The following NEK11 variants were observed in gnomAD, a reference collection of about 807,000 sequenced individuals.
NEK11 encodes serine/threonine-protein kinase Nek11.
Under a neutral mutation model 80.7 loss-of-function variants are expected in NEK11, and 72 were observed. The observed-to-expected ratio is 0.89, with a 90% CI of 0.74 to 1.08. The LOEUF (loss-of-function observed/expected upper bound fraction) is 1.08. NEK11 is among the 50% of genes least tolerant of loss of function. The probability of loss-of-function intolerance (pLI) is 0.00; values close to 1 mark genes in which losing one functional copy is unlikely to be tolerated. For missense variants in NEK11, 764 were observed against 763.6 expected (o/e 1.00, Z -0.01); for synonymous variants, 251 against 260.7 (o/e 0.96, Z 0.36).
intron 7 of NEK11, among the ~76,000 whole-genome samples, chr3:131,148,147 T>G (rs930870939): frequency 6.6e-6 from 1 of 152,026 alleles, no homozygotes; most frequent in African/African-American, 2.4e-5. Context: ...TCAACTTTTT[T>G]CTATAATGAG....
chr3:131,202,564 A>G (rs915676767), intron 14 of NEK11, among the ~76,000 whole-genome samples: 9 of 152,224 alleles, frequency 5.9e-5, no homozygotes, highest in African/African-American at 2.2e-4. Context: ...AACAAAAGCC[A>G]AAATAGACAA....
At chr3:131,186,840 AAT>A (rs1187538754) in intron 14 of NEK11, among the ~76,000 whole-genome samples, 1 of 152,158 alleles carries the variant, frequency 6.6e-6, no homozygotes, top group Non-Finnish European at 1.5e-5. Flanking sequence ...GGCTTATTTT[AAT>A]GTAATCCTCT....
In NEK11 at chr3:131,131,808, T is replaced by G. The variant is rs569555177; in HGVS notation, c.456-937T>G. ...GGAAGCTTAGATAACTGATTTTAGA[T>G]CTTTCTTTTTTTCTAATATATATAT... is the stretch of plus-strand genomic sequence containing the variant. On this transcript the variant is annotated intron_variant, in intron 5 of 17. Transcript: ENST00000383366. Among the ~76,000 whole-genome samples, 167 of 152,194 alleles carry G rather than the reference T, an allele frequency of 1.1e-3. 1 individual carries two copies. The highest frequency in any genetic ancestry group is 3.4e-3 in the Middle Eastern group (1 of 294).
intron 3 of NEK11, among the ~76,000 whole-genome samples, chr3:131,048,771 G>T (rs2067851249): frequency 6.6e-6 from 1 of 152,216 alleles, no homozygotes; most frequent in Admixed American, 6.5e-5. Context: ...TGCTCTGTCT[G>T]TCTGAGTGGG....
intron 14 of NEK11, among the ~76,000 whole-genome samples, chr3:131,207,932 C>T (rs780627990): frequency 2.0e-5 from 3 of 152,000 alleles, no homozygotes; most frequent in Non-Finnish European, 2.9e-5. Flanking sequence ...TCACTCTGAT[C>T]GTGGTTTCTT....
At chr3:131,236,342 G>A (rs2095430251) in intron 15 of NEK11, among the ~76,000 whole-genome samples, 1 of 152,124 alleles carries the variant, frequency 6.6e-6, no homozygotes, top group Non-Finnish European at 1.5e-5. Flanking sequence ...TTTTGGGTAG[G>A]TGTTACGTTG....
intron 3 of NEK11, among the ~76,000 whole-genome samples, chr3:131,030,779 A>G (rs1577187986): frequency 6.6e-6 from 1 of 152,194 alleles, no homozygotes; most frequent in African/African-American, 2.4e-5. Flanking sequence ...TAGTAGAGAA[A>G]AACTCTTAAT....
intron 17 of NEK11, among the ~76,000 whole-genome samples, chr3:131,310,072 A>G (rs1408128964): frequency 2.0e-5 from 3 of 150,894 alleles, no homozygotes. Flanking sequence ...TTTTCTATCG[A>G]AAAAAAAGAC....
intron 14 of NEK11, among the ~76,000 whole-genome samples, chr3:131,182,788 A>G (rs2093423664): frequency 6.6e-6 from 1 of 152,140 alleles, no homozygotes; most frequent in Non-Finnish European, 1.5e-5. Flanking sequence ...AAGAGACTTT[A>G]CCCTTTTTTA....
chr3:131,071,658 A>T (rs1454432675), intron 3 of NEK11, among the ~76,000 whole-genome samples: 1 of 152,024 alleles, frequency 6.6e-6, no homozygotes, highest in East Asian at 1.9e-4. Context: ...AACAAATATC[A>T]TGTTGTTTTA....
At chr3:131,031,550 T>G (rs2064847477) in intron 3 of NEK11, among the ~76,000 whole-genome samples, 2 of 152,118 alleles carry the variant, frequency 1.3e-5, no homozygotes, top group Admixed American at 1.3e-4. Flanking sequence ...ATTAAAAGGA[T>G]GTAAAATAAG....
At chr3:131,212,036 G>C (rs2094638856) in intron 14 of NEK11, among the ~76,000 whole-genome samples, 1 of 152,192 alleles carries the variant, frequency 6.6e-6, no homozygotes, top group Non-Finnish European at 1.5e-5. Context: ...CTTTGGAGGA[G>C]AAGAGGCGCT....
At chr3:131,223,131 C>G (rs2095077853) in intron 14 of NEK11, among the ~76,000 whole-genome samples, 1 of 152,204 alleles carries the variant, frequency 6.6e-6, no homozygotes, top group Non-Finnish European at 1.5e-5. Flanking sequence ...TTATCAGACT[C>G]TTTTCCCCTT....
At chr3:131,131,459 T>C (rs1021618896) in intron 5 of NEK11, among the ~76,000 whole-genome samples, 4 of 152,152 alleles carry the variant, frequency 2.6e-5, no homozygotes, top group Non-Finnish European at 5.9e-5. Flanking sequence ...CTTGTGTCTT[T>C]GAAGGAATTG....
At chr3:131,326,789 G>A (rs1048003747) in intron 17 of NEK11, among the ~76,000 whole-genome samples, 37 of 152,176 alleles carry the variant, frequency 2.4e-4, no homozygotes, top group Middle Eastern at 3.2e-3. Flanking sequence ...CATGCTCTGT[G>A]CTGTGGCTTG....
chr3:131,099,627 G>A (rs186975955), intron 4 of NEK11, among the ~76,000 whole-genome samples: 6 of 152,184 alleles, frequency 3.9e-5, no homozygotes, highest in Admixed American at 3.3e-4. Flanking sequence ...ATTTATTAGT[G>A]TCATCACTGA....
intron 14 of NEK11, among the ~76,000 whole-genome samples, chr3:131,210,002 T>G (rs2094561217): frequency 6.6e-6 from 1 of 152,196 alleles, no homozygotes; most frequent in African/African-American, 2.4e-5. Flanking sequence ...GCTCTGATCT[T>G]AGTTATTTCT....
At chr3:131,235,350 A>T (rs1321186670) in intron 15 of NEK11, among the ~76,000 whole-genome samples, 1 of 152,192 alleles carries the variant, frequency 6.6e-6, no homozygotes, top group Non-Finnish European at 1.5e-5. Context: ...TGCCCTGACC[A>T]TATGGTGCAC....
At chr3:131,126,115 G>A (rs1334393918) in intron 5 of NEK11, among the ~76,000 whole-genome samples, 1 of 152,178 alleles carries the variant, frequency 6.6e-6, no homozygotes, top group African/African-American at 2.4e-5. Flanking sequence ...TCTTCTTAAA[G>A]ACTTTGACTC....
Sources: allele counts gnomAD v4.1 joint callset (sites outside exome capture counted in the v4.1 genomes callset), GRCh38; gene constraint gnomAD v4.1.1; transcripts MANE v1.5; gene names NCBI Gene and HGNC (gene_info 2026-07-23, HGNC 2026-07-21).